Variants in MED27 observed in about 807,000 individuals in gnomAD.
MED27 encodes the protein mediator of RNA polymerase II transcription subunit 27.
In MED27, 30 loss-of-function variants were observed where a neutral mutation model predicts 38.2. That is an observed-to-expected ratio of 0.79 (90% CI 0.59 to 1.07). MED27 has a LOEUF of 1.07. Ranked by LOEUF, MED27 falls within the 50% of genes least tolerant of loss-of-function variation. MED27 has a pLI of 0.00. For missense variants in MED27, 289 were observed against 397.5 expected (o/e 0.73, Z 2.32); for synonymous variants, 122 against 153.5 (o/e 0.79, Z 1.52).
At chr9:131,965,622 C>T (rs1831321515) in intron 3 of MED27, among the ~76,000 whole-genome samples, 1 of 152,176 alleles carries the variant, frequency 6.6e-6, no homozygotes, top group African/African-American at 2.4e-5. Flanking sequence ...TGGTTCAGAG[C>T]CACCGGCTCT....
intron 2 of MED27, among the ~76,000 whole-genome samples, chr9:132,034,598 T>A (rs1233316834): frequency 1.3e-5 from 2 of 152,198 alleles, no homozygotes; most frequent in Non-Finnish European, 2.9e-5. Context: ...GAATGGAACC[T>A]CAGCGCGATA....
intron 4 of MED27, among the ~76,000 whole-genome samples, chr9:131,910,089 T>C (rs902384651): frequency 6.6e-6 from 1 of 152,208 alleles, no homozygotes; most frequent in Non-Finnish European, 1.5e-5. Context: ...CACCACGATA[T>C]AAGGGGAAAC....
At chr9:132,045,074 A>G (rs931275672) in intron 2 of MED27, among the ~76,000 whole-genome samples, 9 of 152,188 alleles carry the variant, frequency 5.9e-5, no homozygotes, top group African/African-American at 2.2e-4. Context: ...TAAAATTTGT[A>G]TATGTTTTTA....
At chr9:131,985,476 T>C (rs986291588) in intron 3 of MED27, among the ~76,000 whole-genome samples, 1 of 152,140 alleles carries the variant, frequency 6.6e-6, no homozygotes, top group African/African-American at 2.4e-5. Flanking sequence ...TCCCATAAGA[T>C]TATAATGAAG....
At chr9:131,993,384 G>A (rs911510154) in intron 3 of MED27, among the ~76,000 whole-genome samples, 2 of 152,164 alleles carry the variant, frequency 1.3e-5, no homozygotes, top group African/African-American at 2.4e-5. Context: ...AGCTGAGGAC[G>A]AAAGAGGGTG....
Position 131,872,836 on chromosome 9 carries a change from T to C in MED27, c.724-9696A>G, listed in dbSNP as rs62583308. 5.3e-3 allele frequency among the ~76,000 whole-genome samples: 814 copies of C among 152,296 alleles called. 6 individuals carry two copies. Among genetic ancestry groups the C allele is most frequent in the Non-Finnish European group, 8.3e-3 (567 of 68,022 alleles). Reference sequence around the variant, plus strand: ...GCCCTGATGCGATGGCACCCTCAGGTGGGCCTCAGATTCCAGGCCAGTTCA... The same window carrying C: ...GCCCTGATGCGATGGCACCCTCAGGCGGGCCTCAGATTCCAGGCCAGTTCA... On this transcript the variant is annotated intron_variant, in intron 6 of 7. Coordinates refer to ENST00000292035, the MANE Select transcript of MED27 (RefSeq NM_004269.4). The surrounding 1 kb of genome is among the most constrained non-coding windows in gnomAD (Gnocchi z 5.6).
intron 4 of MED27, among the ~76,000 whole-genome samples, chr9:131,908,193 G>C (rs13293891): frequency 7.5e-6 from 1 of 133,702 alleles, no homozygotes; most frequent in Admixed American, 7.2e-5. Context: ...CTGCCCGGCC[G>C]CCCTACTGGG....
intron 4 of MED27, among the ~76,000 whole-genome samples, chr9:131,929,582 T>G (rs1270404585): frequency 6.6e-6 from 1 of 152,130 alleles, no homozygotes; most frequent in African/African-American, 2.4e-5. Flanking sequence ...TTTCACTGAC[T>G]GAAGGGCCCC....
intron 4 of MED27, among the ~76,000 whole-genome samples, chr9:131,909,015 T>C (rs536787692): frequency 1.2e-3 from 180 of 152,208 alleles, no homozygotes; most frequent in African/African-American, 4.3e-3. Context: ...AATAGCAGCT[T>C]CAACTAGGGT....
At chr9:132,017,266 G>A (rs1340559756) in intron 2 of MED27, among the ~76,000 whole-genome samples, 2 of 152,138 alleles carry the variant, frequency 1.3e-5, no homozygotes, top group Admixed American at 6.6e-5. Context: ...AGAGGCTCCT[G>A]GAAAATGTTC....
intron 4 of MED27, among the ~76,000 whole-genome samples, chr9:131,907,874 C>T (rs1315406820): frequency 1.3e-5 from 2 of 150,942 alleles, no homozygotes; most frequent in African/African-American, 4.9e-5. Flanking sequence ...CCCGCCGCCC[C>T]GTCTGGGATG....
At chr9:132,024,323 A>G (rs1204787731) in intron 2 of MED27, among the ~76,000 whole-genome samples, 3 of 152,210 alleles carry the variant, frequency 2.0e-5, no homozygotes, top group Non-Finnish European at 4.4e-5. Context: ...GCCTCCTTTT[A>G]CAGATGAAGA....
At chr9:131,898,881 G>T (rs551755008) in intron 4 of MED27, among the ~76,000 whole-genome samples, 1 of 152,176 alleles carries the variant, frequency 6.6e-6, no homozygotes, top group East Asian at 1.9e-4. Context: ...CACTGCGCCC[G>T]GCCTGGATTT....
chr9:132,016,989 C>T (rs896350822), intron 2 of MED27, among the ~76,000 whole-genome samples: 2 of 152,218 alleles, frequency 1.3e-5, no homozygotes, highest in African/African-American at 4.8e-5. Flanking sequence ...TGGAAGGACT[C>T]TTCTTCCCCC....
chr9:131,915,161 G>C (rs540812441), intron 4 of MED27, among the ~76,000 whole-genome samples: 1 of 152,306 alleles, frequency 6.6e-6, no homozygotes, highest in East Asian at 1.9e-4. Context: ...CAAAAGCTGA[G>C]CTCCCAGACA....
chr9:131,994,312 A>G (rs868043187), intron 3 of MED27, among the ~76,000 whole-genome samples: 59 of 152,334 alleles, frequency 3.9e-4, no homozygotes, highest in African/African-American at 1.4e-3. Flanking sequence ...CTATGGGGTA[A>G]GATCTACCAG....
intron 2 of MED27, among the ~76,000 whole-genome samples, chr9:132,057,265 G>A (rs1346708088): frequency 6.6e-6 from 1 of 152,202 alleles, no homozygotes; most frequent in African/African-American, 2.4e-5. Flanking sequence ...AGAGCTGTCT[G>A]GTTTCAGGCA....
chr9:131,923,887 C>CT (rs1342494185), intron 4 of MED27, among the ~76,000 whole-genome samples: 2 of 152,050 alleles, frequency 1.3e-5, no homozygotes, highest in African/African-American at 4.8e-5. Flanking sequence ...TTGCATTTTG[C>CT]TTTTTTTCTA....
chr9:132,018,120 ATT>A (rs1373828463), intron 2 of MED27, among the ~76,000 whole-genome samples: 1 of 152,044 alleles, frequency 6.6e-6, no homozygotes, highest in Non-Finnish European at 1.5e-5. Flanking sequence ...TATGCATGAC[ATT>A]TTCTCTGAGG....
Sources: allele counts gnomAD v4.1 joint callset (sites outside exome capture counted in the v4.1 genomes callset), GRCh38; gene constraint gnomAD v4.1.1; non-coding constraint Gnocchi (gnomAD v3.1); transcripts MANE v1.5; gene names NCBI Gene and HGNC (gene_info 2026-07-23, HGNC 2026-07-21).